SUZ12: variants seen among roughly 807,000 people sequenced by gnomAD.
The protein encoded by SUZ12 is polycomb protein SUZ12.
SUZ12 carries 17 observed loss-of-function variants against 87.3 expected under a neutral mutation model. The observed-to-expected ratio is 0.19, with a 90% CI of 0.13 to 0.29. The LOEUF is 0.29. Ranked by LOEUF, SUZ12 falls within the 10% of genes least tolerant of loss-of-function variation. The pLI is 1.00. For missense variants in SUZ12, 526 were observed against 912.2 expected, an observed-to-expected ratio of 0.58 and a Z score of 5.45; for synonymous variants, 253 against 312.4, an observed-to-expected ratio of 0.81 and a Z score of 2.01.
chr17:31,945,012 T>C (rs1906535172), intron 3 of SUZ12, among the ~76,000 whole-genome samples: 1 of 141,340 alleles, frequency 7.1e-6, no homozygotes, highest in Non-Finnish European at 1.5e-5. Context: ...AAGGTTGCTA[T>C]GAATGTGCCG....
Position 31,955,427 on chromosome 17 carries a change from C to T in SUZ12, c.455+7742C>T, listed in dbSNP as rs558188587. Among the ~76,000 whole-genome samples the T allele has an allele frequency of 6.6e-5, 10 of 152,154 alleles. No homozygotes were observed. The East Asian group carries it at 7.7e-4, about 12-fold the overall frequency. Reference sequence around the variant, plus strand: ...CTACCGAATAGCCTAGGACCACAGGCGCAAGATACCATGCCTGGATGATTT... The same window carrying T: ...CTACCGAATAGCCTAGGACCACAGGTGCAAGATACCATGCCTGGATGATTT... On this transcript the variant is annotated intron_variant, in intron 4 of 15. Transcript: ENST00000322652.
At chr17:31,988,586 A>C in intron 10 of SUZ12, 89 bp downstream of exon 10, 1 of 1,268,914 alleles carries the variant, frequency 7.9e-7, no homozygotes, top group Non-Finnish European at 1.1e-6. Context: ...GTTTTGCTTT[A>C]TGTGATTCTT....
chr17:31,947,781 G>A (rs1906720846), intron 4 of SUZ12, 96 bp downstream of exon 4: 2 of 1,295,522 alleles, frequency 1.5e-6, no homozygotes, highest in Admixed American at 3.0e-5. Flanking sequence ...GATATAAGGA[G>A]TTAGAAGGAA....
chr17:31,981,423 T>C (rs965591073), intron 8 of SUZ12, among the ~76,000 whole-genome samples: 3 of 152,182 alleles, frequency 2.0e-5, no homozygotes, highest in Admixed American at 6.5e-5. Context: ...AAAAACTTGA[T>C]AAAGCACTTG....
At position 31,951,245 on chromosome 17, in the gene SUZ12, A is replaced by G. The variant is rs1906960378; in HGVS notation, c.455+3560A>G. On this transcript the variant is annotated intron_variant, in intron 4 of 15. Transcript: ENST00000322652. ...CTCAAAGTTCAAGGGGTATCAAGATAAAAATACCATAGTAGTATAGCCCAA... is the reference window on the plus strand; with the variant it reads ...CTCAAAGTTCAAGGGGTATCAAGATGAAAATACCATAGTAGTATAGCCCAA... Among the ~76,000 whole-genome samples the G allele has an allele frequency of 1.3e-5, 2 of 152,304 alleles. 1 individual carries two copies. Among genetic ancestry groups the G allele is most frequent in the Non-Finnish European group, 2.9e-5 (2 of 68,020 alleles).
chr17:31,971,849 A>G (rs1199305858), intron 5 of SUZ12, among the ~76,000 whole-genome samples: 1 of 152,200 alleles, frequency 6.6e-6, no homozygotes, highest in Non-Finnish European at 1.5e-5. Flanking sequence ...GCCCAGTTGC[A>G]TGTGCCTGTA....
At chr17:31,973,757 A>G (rs952900726) in intron 6 of SUZ12, among the ~76,000 whole-genome samples, 3 of 152,132 alleles carry the variant, frequency 2.0e-5, no homozygotes, top group African/African-American at 7.2e-5. Flanking sequence ...CAAAGCCAAC[A>G]TATGTACCTT....
At chr17:31,948,218 A>G (rs552955403) in intron 4 of SUZ12, among the ~76,000 whole-genome samples, 3 of 152,308 alleles carry the variant, frequency 2.0e-5, no homozygotes, top group Middle Eastern at 6.8e-3. Context: ...GACAGAATCT[A>G]CTTGTTGTAC....
At chr17:31,943,450 C>T (rs548836938) in intron 3 of SUZ12, among the ~76,000 whole-genome samples, 34 of 152,214 alleles carry the variant, frequency 2.2e-4, no homozygotes, top group Non-Finnish European at 4.3e-4. Context: ...TTTTGTAATA[C>T]AGGCCTACAA....
At chr17:31,957,599 CAG>C (rs1424160878) in intron 4 of SUZ12, among the ~76,000 whole-genome samples, 1 of 151,368 alleles carries the variant, frequency 6.6e-6, no homozygotes, top group Non-Finnish European at 1.5e-5. Context: ...TTTTTAGAGA[CAG>C]GGTTTCAACA....
intron 5 of SUZ12, among the ~76,000 whole-genome samples, chr17:31,972,156 G>A (rs377206561): frequency 4.6e-5 from 7 of 151,660 alleles, no homozygotes; most frequent in East Asian, 3.9e-4. Context: ...GTCCTGGTGC[G>A]CACCTGTAGT....
intron 5 of SUZ12, among the ~76,000 whole-genome samples, chr17:31,972,375 TTG>T (rs1165761293): frequency 4.8e-4 from 64 of 132,884 alleles, no homozygotes; most frequent in African/African-American, 1.9e-3. Flanking sequence ...GTATGTGTGT[TTG>T]TGTGTGTATA....
intron 3 of SUZ12, 25 bp from the exon 4 acceptor site, chr17:31,947,592 T>G: frequency 1.3e-6 from 2 of 1,595,632 alleles, no homozygotes; most frequent in Non-Finnish European, 8.6e-7. Flanking sequence ...GAGAAGTGAT[T>G]ATTTTGTTTA....
intron 14 of SUZ12, 114 bp from the exon 15 acceptor site, chr17:31,996,684 A>C (rs1341249349): frequency 1.8e-5 from 11 of 627,836 alleles, no homozygotes; most frequent in Non-Finnish European, 2.1e-5. Flanking sequence ...AAATGTTGCC[A>C]CTTTGCTGTA....
intron 9 of SUZ12, among the ~76,000 whole-genome samples, chr17:31,985,413 T>A (rs1306819468): frequency 1.3e-5 from 2 of 151,414 alleles, no homozygotes; most frequent in Non-Finnish European, 2.9e-5. Flanking sequence ...CCATATTAAA[T>A]TTTTACATAA....
chr17:31,983,274 C>CTTTTTTTT (rs10681815), intron 9 of SUZ12, among the ~76,000 whole-genome samples, 170 bp downstream of exon 9: 45 of 118,192 alleles, frequency 3.8e-4, no homozygotes, highest in African/African-American at 1.5e-3. Context: ...AGGTATCATT[C>CTTTTTTTT]TTTTTTTTTT....
At chr17:31,965,412 C>G (rs886712160) in intron 4 of SUZ12, among the ~76,000 whole-genome samples, 2 of 152,114 alleles carry the variant, frequency 1.3e-5, no homozygotes, top group Non-Finnish European at 2.9e-5. Flanking sequence ...TTTATTTTAT[C>G]CCATGCTTAT....
chr17:31,979,172 T>C (rs573718705), intron 8 of SUZ12, among the ~76,000 whole-genome samples: 131 of 149,346 alleles, frequency 8.8e-4, no homozygotes, highest in African/African-American at 3.2e-3. Context: ...AGTCATTTAA[T>C]ATCCACATAC....
At position 31,949,527 on chromosome 17, in the gene SUZ12, T is replaced by C. The variant is rs150547825; in HGVS notation, c.455+1842T>C. The stretch of plus-strand genomic sequence containing the variant: ...CATTATTAACTTTCTTTAATCTATT[T>C]CTTTTTTTTTGAGATGGAGTCATGC... On this transcript the variant is annotated intron_variant, in intron 4 of 15. Coordinates refer to ENST00000322652, the MANE Select transcript of SUZ12 (RefSeq NM_015355.4). 6.7e-3 allele frequency among the ~76,000 whole-genome samples: 1,024 copies of C among 151,914 alleles called. 12 individuals are homozygous for C. The highest frequency in any genetic ancestry group is 0.061 in the East Asian group (314 of 5,158).
Sources: gnomAD v4.1 joint callset for allele counts (sites outside exome capture counted in the v4.1 genomes callset) on GRCh38, gnomAD v4.1.1 for gene constraint, MANE v1.5 for transcripts, NCBI Gene and HGNC (gene_info 2026-07-23, HGNC 2026-07-21) for gene names.